Variants in EIF3H observed in about 807,000 individuals in gnomAD.
EIF3H encodes the protein eukaryotic translation initiation factor 3 subunit H.
A neutral mutation model predicts 44.2 loss-of-function variants in EIF3H; 26 were observed. The observed-to-expected ratio is 0.59, with a 90% CI of 0.43 to 0.82. The LOEUF (loss-of-function observed/expected upper bound fraction) is 0.82. Ranked by LOEUF, EIF3H falls within the 40% of genes least tolerant of loss-of-function variation. EIF3H has a pLI of 0.00. For synonymous variants in EIF3H, 166 were observed against 151.9 expected (o/e 1.09, Z -0.68); for missense variants, 359 against 432.8 (o/e 0.83, Z 1.51).
chr8:116,691,316 T>C (rs1354764023), intron 2 of EIF3H, among the ~76,000 whole-genome samples: 3 of 152,156 alleles, frequency 2.0e-5, no homozygotes, highest in South Asian at 2.1e-4. Flanking sequence ...CCTTTTGGTT[T>C]TGACTCACTC....
chr8:116,765,764 A>G (rs1401321531), exon 1 of EIF3H: 1 of 152,246 alleles, frequency 6.6e-6, no homozygotes, highest in Non-Finnish European at 1.5e-5. Context: ...GAGTTGCCCA[A>G]GATCAAACGG....
chr8:116,677,820 T>C (rs1338673751), intron 2 of EIF3H, among the ~76,000 whole-genome samples: 2 of 152,226 alleles, frequency 1.3e-5, no homozygotes, highest in African/African-American at 4.8e-5. Context: ...ATTCTGTTGA[T>C]AGAAATCTAG....
At chr8:116,674,447 G>T (rs1244867556) in intron 2 of EIF3H, among the ~76,000 whole-genome samples, 2 of 151,992 alleles carry the variant, frequency 1.3e-5, no homozygotes, top group Non-Finnish European at 2.9e-5. Context: ...TCTATCATAC[G>T]CATTCTATCC....
At chr8:116,751,590 TGA>T (rs1815345459) in intron 1 of EIF3H, among the ~76,000 whole-genome samples, 1 of 152,176 alleles carries the variant, frequency 6.6e-6, no homozygotes, top group African/African-American at 2.4e-5. Flanking sequence ...GAGATGCCTA[TGA>T]GATATCCAAA....
chr8:116,752,757 G>GAA (rs1179024115), intron 1 of EIF3H, among the ~76,000 whole-genome samples: 1 of 9,430 alleles, frequency 1.1e-4, no homozygotes, highest in East Asian at 3.7e-3. Context: ...AAGAAAGAGG[G>GAA]AGGGAGGGAG....
chr8:116,703,254 G>A (rs1681619309), intron 2 of EIF3H, among the ~76,000 whole-genome samples: 1 of 152,176 alleles, frequency 6.6e-6, no homozygotes, highest in Admixed American at 6.5e-5. Context: ...GGGACACGGT[G>A]AGAAGTGACC....
Position 116,751,943 on chromosome 8 carries a change from G to A in EIF3H, c.132+3723C>T, listed in dbSNP as rs547369030. On this transcript the variant is annotated intron_variant, in intron 1 of 7. Coordinates refer to ENST00000521861, the MANE Select transcript of EIF3H (RefSeq NM_003756.3). ...CAAATCCAAGCAGTCTGGCTCCAGA[G>A]CATGTACTTTTATCAACTTCGTTAC... 3.0e-4 allele frequency among the ~76,000 whole-genome samples: 46 copies of A among 152,266 alleles called. 1 individual carries two copies. The highest frequency in any genetic ancestry group is 1.1e-3 in the African/African-American group (46 of 41,562).
At chr8:116,744,183 C>T (rs1274323696) in intron 1 of EIF3H, among the ~76,000 whole-genome samples, 1 of 144,668 alleles carries the variant, frequency 6.9e-6, no homozygotes, top group Non-Finnish European at 1.5e-5. Flanking sequence ...AATCAGATGG[C>T]GACAGGGAGA....
chr8:116,765,382 A>T (rs922482516), intron 1 of EIF3H: 1 of 152,244 alleles, frequency 6.6e-6, no homozygotes, highest in Non-Finnish European at 1.5e-5. Context: ...AATGCAAACA[A>T]TGCATTCAAT....
In EIF3H at chr8:116,710,566, T is replaced by G. The variant is rs576177035; in HGVS notation, c.289+15450A>C. Among the ~76,000 whole-genome samples the G allele has an allele frequency of 3.9e-5, 6 of 152,338 alleles. No individual in the cohort carries two copies. The East Asian group carries it at 1.2e-3, about 29-fold the overall frequency. Reference sequence around the variant, plus strand: ...ACTTTCTAAAAATCTGGTGTTAAATTTAATATCATTTGATTTCAGTTGTGC... The same window carrying G: ...ACTTTCTAAAAATCTGGTGTTAAATGTAATATCATTTGATTTCAGTTGTGC... On this transcript the variant is annotated intron_variant, in intron 2 of 7. Coordinates refer to ENST00000521861, the MANE Select transcript of EIF3H (RefSeq NM_003756.3).
At chr8:116,739,582 G>A (rs182944280) in intron 1 of EIF3H, among the ~76,000 whole-genome samples, 5 of 152,320 alleles carry the variant, frequency 3.3e-5, no homozygotes, top group East Asian at 3.9e-4. Context: ...CCTGGGAGGC[G>A]GAGCTTGCAG....
chr8:116,687,126 C>T (rs1157137572), intron 2 of EIF3H, among the ~76,000 whole-genome samples: 1 of 152,032 alleles, frequency 6.6e-6, no homozygotes, highest in Non-Finnish European at 1.5e-5. Flanking sequence ...CAGTAAGAGG[C>T]CACTGCAGTA....
At position 116,689,935 on chromosome 8, in the gene EIF3H, G is replaced by A. The variant is rs141146856; in HGVS notation, c.290-30955C>T. 6.0e-3 allele frequency among the ~76,000 whole-genome samples: 912 copies of A among 152,234 alleles called. 6 individuals carry two copies. Among genetic ancestry groups the A allele is most frequent in the African/African-American group, 0.02 (839 of 41,544 alleles). On this transcript the variant is annotated intron_variant, in intron 2 of 7. Transcript: ENST00000521861. ...AACCCAAAAGATGCAAGAGGTTTGA[G>A]AGCTGGTGGCTTGATAATGCCATAT...
intron 1 of EIF3H, among the ~76,000 whole-genome samples, chr8:116,733,336 A>G (rs1264630807): frequency 1.3e-5 from 2 of 152,118 alleles, no homozygotes; most frequent in Non-Finnish European, 2.9e-5. Context: ...ACGGAGCTTC[A>G]TCTCCAGCCC....
intron 1 of EIF3H, among the ~76,000 whole-genome samples, chr8:116,750,939 A>G (rs62510194): frequency 0.75 from 114,036 of 151,702 alleles, 43,583 homozygotes; most frequent in African/African-American, 0.8. Flanking sequence ...GAGGCCGGGC[A>G]CGGTGGCTCA....
intron 1 of EIF3H, among the ~76,000 whole-genome samples, chr8:116,728,196 A>G (rs1035585051): frequency 1.3e-5 from 2 of 152,228 alleles, no homozygotes; most frequent in Non-Finnish European, 2.9e-5. Context: ...CATTACATTT[A>G]CTAAACATTG....
At chr8:116,676,005 G>A (rs1185491937) in intron 2 of EIF3H, among the ~76,000 whole-genome samples, 3 of 152,026 alleles carry the variant, frequency 2.0e-5, no homozygotes, top group African/African-American at 4.8e-5. Flanking sequence ...GAAAGTAAAG[G>A]CCAAGTTAAA....
intron 1 of EIF3H, among the ~76,000 whole-genome samples, chr8:116,753,562 T>C (rs1379572455): frequency 6.6e-6 from 1 of 152,210 alleles, no homozygotes; most frequent in Non-Finnish European, 1.5e-5. Flanking sequence ...GACTAATTGG[T>C]TCCTTAGCAT....
At chr8:116,724,596 G>GA (rs958774667) in intron 2 of EIF3H, among the ~76,000 whole-genome samples, 8 of 148,242 alleles carry the variant, frequency 5.4e-5, no homozygotes, top group East Asian at 3.9e-4. Context: ...AACTCAACAG[G>GA]AAAAAAAAAG....
Sources: allele counts gnomAD v4.1 joint callset (sites outside exome capture counted in the v4.1 genomes callset), GRCh38; gene constraint gnomAD v4.1.1; transcripts MANE v1.5; gene names NCBI Gene and HGNC (gene_info 2026-07-23, HGNC 2026-07-21).